Variants in SGCZ observed in about 807,000 individuals in gnomAD.
The protein encoded by SGCZ is sarcoglycan zeta.
Under a neutral mutation model 41.3 loss-of-function variants are expected in SGCZ, and 40 were observed. That is an observed-to-expected ratio of 0.97 (90% CI 0.75 to 1.26). SGCZ has a LOEUF of 1.26. Ranked by LOEUF, SGCZ falls within the 50% of genes most tolerant of loss-of-function variation. The pLI is 0.00. For synonymous variants in SGCZ, 206 were observed against 137.5 expected (o/e 1.50, Z -3.49); for missense variants, 552 against 369.8 (o/e 1.49, Z -4.04).
At chr8:14,625,125 A>C (rs1585134535) in intron 1 of SGCZ, among the ~76,000 whole-genome samples, 1 of 152,296 alleles carries the variant, frequency 6.6e-6, no homozygotes, top group Admixed American at 6.5e-5. Flanking sequence ...CTGTGGTTGC[A>C]ATATAATACA....
intron 1 of SGCZ, among the ~76,000 whole-genome samples, chr8:14,902,307 C>T (rs57121912): frequency 0.035 from 5,267 of 152,096 alleles, 248 homozygotes; most frequent in African/African-American, 0.11. Flanking sequence ...TTTTCTTCTA[C>T]AGTTTGATCC....
intron 1 of SGCZ, among the ~76,000 whole-genome samples, chr8:14,825,633 G>C (rs879288975): frequency 6.6e-6 from 1 of 152,070 alleles, no homozygotes; most frequent in Non-Finnish European, 1.5e-5. Flanking sequence ...CCCCACATAA[G>C]CTTTATCTTA....
At chr8:14,877,568 A>G (rs1277880552) in intron 1 of SGCZ, among the ~76,000 whole-genome samples, 1 of 152,154 alleles carries the variant, frequency 6.6e-6, no homozygotes, top group Non-Finnish European at 1.5e-5. Context: ...CTAAGCATAG[A>G]TATTTCTTCA....
intron 2 of SGCZ, among the ~76,000 whole-genome samples, chr8:14,359,082 A>T (rs1446365158): frequency 6.6e-6 from 1 of 152,118 alleles, no homozygotes; most frequent in African/African-American, 2.4e-5. Flanking sequence ...ATATATTGAT[A>T]TCTATTGGTA....
intron 1 of SGCZ, among the ~76,000 whole-genome samples, chr8:15,043,201 A>C (rs897521951): frequency 6.6e-6 from 1 of 152,180 alleles, no homozygotes; most frequent in African/African-American, 2.4e-5. Flanking sequence ...AGCTAGTAAA[A>C]TAAGCATTTA....
chr8:14,673,344 T>G lies in SGCZ; in HGVS notation c.40-118418A>C, dbSNP rs552314368. Among the ~76,000 whole-genome samples, 21 of 152,316 alleles carry G rather than the reference T, an allele frequency of 1.4e-4. No individual in the cohort carries two copies. In the East Asian group the frequency reaches 3.1e-3, roughly 22 times the overall value. ...GGGGGTGGTTTCCCCCATGCTATTC[T>G]CATGATAATGAGGGAGTTCTCATGA... On this transcript the variant is annotated intron_variant, in intron 1 of 7. Transcript: ENST00000382080.
At chr8:14,288,847 A>T (rs1800739870) in intron 3 of SGCZ, among the ~76,000 whole-genome samples, 1 of 152,146 alleles carries the variant, frequency 6.6e-6, no homozygotes, top group Non-Finnish European at 1.5e-5. Context: ...CTTTTGGATG[A>T]CTGTGAAAAT....
intron 2 of SGCZ, among the ~76,000 whole-genome samples, chr8:14,345,260 A>G (rs1461476126): frequency 6.6e-6 from 1 of 152,138 alleles, no homozygotes; most frequent in Non-Finnish European, 1.5e-5. Flanking sequence ...AGAAATCTTA[A>G]AAAGAATGGC....
intron 1 of SGCZ, among the ~76,000 whole-genome samples, chr8:14,885,986 TATATATATATATATA>T (rs1804779642): frequency 1.8e-4 from 1 of 5,446 alleles, no homozygotes; most frequent in Non-Finnish European, 4.2e-4. Context: ...GACTTTATGT[TATATATATATATATA>T]TATATATATA....
At chr8:14,860,555 A>C (rs542069017) in intron 1 of SGCZ, among the ~76,000 whole-genome samples, 1 of 151,558 alleles carries the variant, frequency 6.6e-6, no homozygotes, top group Admixed American at 6.6e-5. Flanking sequence ...AGAAAGAGAA[A>C]GGAAAGGAAA....
intron 4 of SGCZ, among the ~76,000 whole-genome samples, chr8:14,207,043 T>C (rs1055068907): frequency 9.3e-5 from 13 of 139,512 alleles, no homozygotes; most frequent in African/African-American, 3.0e-4. Flanking sequence ...ATTTTGTGAA[T>C]AGCTGCTTAA....
chr8:14,514,432 A>C (rs1802552388), intron 2 of SGCZ, among the ~76,000 whole-genome samples: 1 of 152,016 alleles, frequency 6.6e-6, no homozygotes, highest in Non-Finnish European at 1.5e-5. Context: ...TATAACTTAG[A>C]GAATTAGTGT....
chr8:15,172,719 T>G (rs551227673), intron 1 of SGCZ, among the ~76,000 whole-genome samples: 39 of 152,274 alleles, frequency 2.6e-4, no homozygotes, highest in Non-Finnish European at 5.3e-4. Flanking sequence ...GGATAGAATT[T>G]TACCTTTATC....
intron 1 of SGCZ, among the ~76,000 whole-genome samples, chr8:14,902,196 C>T (rs1226177842): frequency 1.3e-5 from 2 of 152,082 alleles, no homozygotes; most frequent in Non-Finnish European, 2.9e-5. Flanking sequence ...CTGGACCTCT[C>T]GTACCCAGAT....
At position 15,086,480 on chromosome 8, in the gene SGCZ, T is replaced by A. The variant is rs553620803; in HGVS notation, c.39+151105A>T. Among the ~76,000 whole-genome samples the A allele has an allele frequency of 2.6e-5, 4 of 152,328 alleles. No homozygotes were observed. The South Asian group carries it at 6.2e-4, about 24-fold the overall frequency. ...CCTATTGAATATGTATCTGAACATA[T>A]GTCTTGTACAGTTTAATCATATTAA... On this transcript the variant is annotated intron_variant, in intron 1 of 7. Coordinates refer to ENST00000382080, the MANE Select transcript of SGCZ (RefSeq NM_139167.4).
At chr8:14,524,261 T>C (rs1802874685) in intron 2 of SGCZ, among the ~76,000 whole-genome samples, 1 of 151,452 alleles carries the variant, frequency 6.6e-6, no homozygotes, top group African/African-American at 2.4e-5. Context: ...AGAGAACGGG[T>C]ATGTGCTGCC....
chr8:14,246,555 C>G (rs1482363743), intron 3 of SGCZ, among the ~76,000 whole-genome samples: 1 of 151,242 alleles, frequency 6.6e-6, no homozygotes, highest in East Asian at 1.9e-4. Context: ...ATGTAACTAA[C>G]CTGCACATTG....
chr8:15,145,566 G>C (rs936814689), intron 1 of SGCZ, among the ~76,000 whole-genome samples: 3 of 152,084 alleles, frequency 2.0e-5, no homozygotes, highest in African/African-American at 7.2e-5. Flanking sequence ...TCCTGGATTT[G>C]AGTAATCCTC....
At chr8:14,551,763 A>T (rs904262500) in intron 2 of SGCZ, among the ~76,000 whole-genome samples, 1 of 127,652 alleles carries the variant, frequency 7.8e-6, no homozygotes, top group African/African-American at 3.6e-5. Context: ...GGTTTTCTAC[A>T]ACTGGGTATC....
Sources: allele counts gnomAD v4.1 joint callset (sites outside exome capture counted in the v4.1 genomes callset), GRCh38; gene constraint gnomAD v4.1.1; transcripts MANE v1.5; gene names NCBI Gene and HGNC (gene_info 2026-07-23, HGNC 2026-07-21).